The following CDC14B variants were observed in gnomAD, a reference collection of about 807,000 sequenced individuals.
CDC14B encodes the protein dual specificity protein phosphatase CDC14B.
Under a neutral mutation model 64.2 loss-of-function variants are expected in CDC14B, and 22 were observed. That is an observed-to-expected ratio of 0.34 (90% CI 0.24 to 0.49). The LOEUF (loss-of-function observed/expected upper bound fraction) is 0.49. Among genes scored for constraint, CDC14B ranks in the 20% least tolerant of loss-of-function variants. The pLI, the probability that CDC14B is intolerant of heterozygous loss-of-function variation, is 0.99. For synonymous variants in CDC14B, 191 were observed against 215.8 expected (o/e 0.89, Z 1.01); for missense variants, 498 against 629.9 (o/e 0.79, Z 2.24).
At chr9:96,495,084 T>C (rs1459302992) in intron 13 of CDC14B, among the ~76,000 whole-genome samples, 1 of 151,968 alleles carries the variant, frequency 6.6e-6, no homozygotes, top group Admixed American at 6.6e-5. Flanking sequence ...TCCACCTGCC[T>C]CAGCCTCCCA....
At chr9:96,532,466 T>C (rs1164050925) in intron 9 of CDC14B, among the ~76,000 whole-genome samples, 3 of 152,210 alleles carry the variant, frequency 2.0e-5, no homozygotes, top group Non-Finnish European at 4.4e-5. Context: ...GCCTCTGAGT[T>C]TATCCTGCTT....
intron 1 of CDC14B, among the ~76,000 whole-genome samples, chr9:96,585,213 CTT>C (rs531434808): frequency 3.5e-5 from 5 of 143,726 alleles, no homozygotes; most frequent in Admixed American, 1.4e-4. Context: ...GATTAAGGCA[CTT>C]TTTTTTTTTT....
At position 96,503,331 on chromosome 9, in the gene CDC14B, T is replaced by TA; in HGVS notation, c.*421dup. On this transcript the variant is annotated 3_prime_UTR_variant, in exon 14 of 14. Coordinates refer to ENST00000375241, the MANE Select transcript of CDC14B (RefSeq NM_033331.4). ...TTCAGTAATGCCTTTTGTATCTTTA[T>TA]AAATTTTGACACAGGGTCACAAGGT... 1 of 197,170 alleles carries TA rather than the reference T, an allele frequency of 5.1e-6. No homozygotes were observed. The highest frequency in any genetic ancestry group is 1.0e-5 in the Non-Finnish European group (1 of 98,956). 12.2% of individuals were successfully genotyped at this position (197,170 alleles called of 1,614,324 possible). A position where few individuals can be genotyped will look rare whatever the true frequency, so the allele number is the denominator to read the frequency against.
rs976819486 is a variant in CDC14B, at chr9:96,501,511, G to A, written c.*2242C>T. On this transcript the variant is annotated 3_prime_UTR_variant, in exon 14 of 14. Transcript: ENST00000375241. ...GAACTTTCCATCCCTCAGACCCAGA[G>A]ACTTCCTGGATGCTAGAGACAGTCC... 1.8e-4 allele frequency: 27 copies of A among 152,358 alleles called. No individual in the cohort carries two copies. Among genetic ancestry groups the A allele is most frequent in the African/African-American group, 6.3e-4 (26 of 41,464 alleles). 9.4% of individuals were successfully genotyped at this position (152,358 alleles called of 1,614,324 possible).
chr9:96,493,297 C>G (rs958311950), intron 13 of CDC14B: 1 of 152,476 alleles, frequency 6.6e-6, no homozygotes, highest in Non-Finnish European at 1.5e-5. Context: ...TTGGCTGCTG[C>G]TGTCTCCTCT....
chr9:96,524,380 T>C (rs1208072813), intron 9 of CDC14B, among the ~76,000 whole-genome samples: 84 of 152,366 alleles, frequency 5.5e-4, no homozygotes, highest in Non-Finnish European at 1.2e-4. Context: ...CAGTGTCTTC[T>C]GCCCTGGGCA....
chr9:96,600,599 T>A (rs1256349059), intron 1 of CDC14B, among the ~76,000 whole-genome samples: 1 of 151,792 alleles, frequency 6.6e-6, no homozygotes, highest in African/African-American at 2.4e-5. Flanking sequence ...ACCTCCTGAG[T>A]TCGAGCGATT....
Position 96,503,381 on chromosome 9 carries a change from ACCT to A in CDC14B, c.*369_*371del, listed in dbSNP as rs1350996406. 1 of 225,242 alleles carries A rather than the reference ACCT, an allele frequency of 4.4e-6. No homozygotes were observed. Among genetic ancestry groups the A allele is most frequent in the Non-Finnish European group, 8.5e-6 (1 of 117,500 alleles). 14.0% of individuals were successfully genotyped at this position (225,242 alleles called of 1,614,324 possible). A position where few individuals can be genotyped will look rare whatever the true frequency, so the allele number is the denominator to read the frequency against. ...TGAACAGAAAATAAATACATAAAAA[ACCT>A]CCATCAGATCCTCAATTCTTCTGAA... On this transcript the variant is annotated 3_prime_UTR_variant, in exon 14 of 14. Transcript: ENST00000375241.
At chr9:96,491,340 T>C (rs1450510057) in exon 14 of CDC14B, 2 of 152,220 alleles carry the variant, frequency 1.3e-5, no homozygotes, top group Non-Finnish European at 2.9e-5. Context: ...CTCCTGACTT[T>C]GTGTAGAGAA....
intron 1 of CDC14B, among the ~76,000 whole-genome samples, chr9:96,613,066 A>C (rs1262643484): frequency 6.6e-6 from 1 of 152,240 alleles, no homozygotes; most frequent in Non-Finnish European, 1.5e-5. Flanking sequence ...AAGCAGCTTT[A>C]TCTGCTGGCA....
rs1294358923 is a variant in CDC14B at position 96,541,815 on chromosome 9, A to G, written c.564+11T>C. 6.3e-7 allele frequency: 1 copy of G among 1,589,078 alleles called. No homozygotes were observed. Among genetic ancestry groups the G allele is most frequent in the Non-Finnish European group, 8.6e-7 (1 of 1,162,266 alleles). ...CAACACAACACTGGGTGCATCCTAC[A>G]TGTCACTCACCTTCTTTACTGCATG... On this transcript the variant is annotated intron_variant, in intron 6 of 13. Coordinates refer to ENST00000375241, the MANE Select transcript of CDC14B (RefSeq NM_033331.4).
chr9:96,501,268 T>C lies in CDC14B; in HGVS notation c.*2485A>G, dbSNP rs932894600. On this transcript the variant is annotated 3_prime_UTR_variant, in exon 14 of 14. Transcript: ENST00000375241. ...TCAAGAGCACCTAAAAATATTCACT[T>C]CCAATTTTAATTCCATCGCAAACCG... is the stretch of plus-strand genomic sequence containing the variant. The C allele has an allele frequency of 5.3e-5, 8 of 152,348 alleles. No individual in the cohort carries two copies. The highest frequency in any genetic ancestry group is 9.6e-5 in the African/African-American group (4 of 41,582). 9.4% of individuals were successfully genotyped at this position (152,348 alleles called of 1,614,324 possible).
chr9:96,517,709 A>T (rs1024762467), intron 12 of CDC14B, among the ~76,000 whole-genome samples: 9 of 148,270 alleles, frequency 6.1e-5, no homozygotes, highest in Admixed American at 6.0e-4. Flanking sequence ...TCTGTTGCCC[A>T]GGCTGGAGTG....
At chr9:96,517,673 A>G (rs1450432763) in intron 12 of CDC14B, among the ~76,000 whole-genome samples, 1 of 143,372 alleles carries the variant, frequency 7.0e-6, no homozygotes, top group African/African-American at 2.6e-5. Context: ...AAGAAGAAGA[A>G]AGAAAGAAAG....
At chr9:96,619,142 C>G (rs1293446341) in intron 1 of CDC14B, 77 bp downstream of exon 1, 9 of 1,162,570 alleles carry the variant, frequency 7.7e-6, no homozygotes, top group Non-Finnish European at 9.7e-6. Flanking sequence ...CCCCGGGCAG[C>G]CCGGTGGGAG....
intron 1 of CDC14B, among the ~76,000 whole-genome samples, chr9:96,594,980 G>A (rs36088261): frequency 0.021 from 3,187 of 152,032 alleles, 55 homozygotes; most frequent in Non-Finnish European, 0.034. Context: ...GTGAAACCCC[G>A]TCTCTACTAA....
chr9:96,598,380 A>T (rs16911384), intron 1 of CDC14B, among the ~76,000 whole-genome samples: 2 of 152,216 alleles, frequency 1.3e-5, no homozygotes, highest in Non-Finnish European at 2.9e-5. Flanking sequence ...TCTGTCACCC[A>T]GGCTGGAGTG....
intron 4 of CDC14B, among the ~76,000 whole-genome samples, chr9:96,559,323 C>A (rs1224448602): frequency 2.0e-5 from 3 of 152,146 alleles, no homozygotes; most frequent in Non-Finnish European, 4.4e-5. Context: ...TGGAATATTT[C>A]TTTCCTAAAG....
intron 1 of CDC14B, among the ~76,000 whole-genome samples, chr9:96,583,489 C>T (rs949759900): frequency 6.7e-6 from 1 of 149,584 alleles, no homozygotes; most frequent in African/African-American, 2.5e-5. Context: ...CTCCACCTTC[C>T]GGGTTCAAGC....
Sources: gnomAD v4.1 joint callset for allele counts (sites outside exome capture counted in the v4.1 genomes callset) on GRCh38, gnomAD v4.1.1 for gene constraint, MANE v1.5 for transcripts, NCBI Gene and HGNC (gene_info 2026-07-23, HGNC 2026-07-21) for gene names.